MAGI1: variants seen among roughly 807,000 people sequenced by gnomAD.
The protein encoded by MAGI1 is membrane-associated guanylate kinase, WW and PDZ domain-containing protein 1.
A neutral mutation model predicts 139.9 loss-of-function variants in MAGI1; 58 were observed. That is an observed-to-expected ratio of 0.41 (90% CI 0.34 to 0.52). The LOEUF (loss-of-function observed/expected upper bound fraction) is 0.52, where lower values mean the gene tolerates loss of function less well. Ranked by LOEUF, MAGI1 falls within the 20% of genes least tolerant of loss-of-function variation. The pLI, the probability that MAGI1 is intolerant of heterozygous loss-of-function variation, is 0.12. For synonymous variants in MAGI1, 812 were observed against 737.9 expected (o/e 1.10, Z -1.63); for missense variants, 1,874 against 1,901.6 (o/e 0.99, Z 0.27).
At chr3:65,493,085 A>C (rs1342043695) in intron 3 of MAGI1, among the ~76,000 whole-genome samples, 1 of 151,922 alleles carries the variant, frequency 6.6e-6, no homozygotes, top group Non-Finnish European at 1.5e-5. Context: ...CTCAAAAAAA[A>C]AAAAAAAAAA....
intron 1 of MAGI1, among the ~76,000 whole-genome samples, chr3:66,009,377 G>GCCC (rs2067203119): frequency 6.6e-6 from 1 of 152,234 alleles, no homozygotes; most frequent in East Asian, 1.9e-4. Flanking sequence ...GGGCGTGGTG[G>GCCC]CCGGTGCTTG....
chr3:65,707,019 C>T (rs2030426988), intron 1 of MAGI1, among the ~76,000 whole-genome samples: 1 of 152,160 alleles, frequency 6.6e-6, no homozygotes, highest in Non-Finnish European at 1.5e-5. Flanking sequence ...ACCGTCTCGG[C>T]ATGGCAGTCG....
intron 6 of MAGI1, among the ~76,000 whole-genome samples, chr3:65,448,400 AAGCTGTT>A (rs1222009275): frequency 1.3e-5 from 2 of 152,188 alleles, no homozygotes; most frequent in African/African-American, 4.8e-5. Flanking sequence ...GGAGTAAACA[AAGCTGTT>A]AGACCTTTCA....
intron 3 of MAGI1, among the ~76,000 whole-genome samples, chr3:65,488,016 G>T (rs888030788): frequency 1.3e-5 from 2 of 152,200 alleles, no homozygotes; most frequent in South Asian, 4.1e-4. Flanking sequence ...ACAGAATACT[G>T]AACATTCCCA....
At chr3:65,747,995 T>C (rs2035841886) in intron 1 of MAGI1, among the ~76,000 whole-genome samples, 1 of 152,090 alleles carries the variant, frequency 6.6e-6, no homozygotes, top group African/African-American at 2.4e-5. Flanking sequence ...AGAATGTGGC[T>C]CTAAACACAG....
At chr3:65,711,830 G>C (rs150359655) in intron 1 of MAGI1, among the ~76,000 whole-genome samples, 3 of 152,176 alleles carry the variant, frequency 2.0e-5, no homozygotes, top group Admixed American at 6.5e-5. Context: ...CCAGAACTGA[G>C]AGAAAACAAA....
At chr3:65,554,505 G>C (rs909899262) in intron 2 of MAGI1, among the ~76,000 whole-genome samples, 1 of 152,132 alleles carries the variant, frequency 6.6e-6, no homozygotes, top group Non-Finnish European at 1.5e-5. Context: ...AGGGCAGCTG[G>C]ACAAGGGTGA....
chr3:65,936,385 C>T (rs2063050460), intron 1 of MAGI1, among the ~76,000 whole-genome samples: 1 of 152,064 alleles, frequency 6.6e-6, no homozygotes, highest in Admixed American at 6.6e-5. Flanking sequence ...CGTCTATAAT[C>T]CCAGCACTTT....
At chr3:65,637,151 T>C (rs1330446057) in intron 1 of MAGI1, among the ~76,000 whole-genome samples, 1 of 152,084 alleles carries the variant, frequency 6.6e-6, no homozygotes, top group African/African-American at 2.4e-5. Context: ...CACCCAGGGG[T>C]TGGGTAAACA....
At position 66,020,078 on chromosome 3, in the gene MAGI1, GTC is replaced by G. The variant is rs981441970; in HGVS notation, c.313+17916_313+17917del. Among the ~76,000 whole-genome samples the G allele has an allele frequency of 1.7e-4, 26 of 152,248 alleles. 1 individual carries two copies. Among genetic ancestry groups the G allele is most frequent in the South Asian group, 1.7e-3 (8 of 4,820 alleles). The stretch of plus-strand genomic sequence containing the variant: ...CACACAGTACATGACGTTCCTCTGG[GTC>G]TCTCTCTCCCTGGCTGTGAGTAACA... On this transcript the variant is annotated intron_variant, in intron 1 of 22. Transcript: ENST00000402939.
chr3:65,538,974 A>G (rs1316131219), intron 2 of MAGI1, among the ~76,000 whole-genome samples: 6 of 118,236 alleles, frequency 5.1e-5, no homozygotes, highest in Admixed American at 1.8e-4. Flanking sequence ...AAACAGACAC[A>G]TATACCAACT....
At chr3:65,741,011 A>G (rs947684302) in intron 1 of MAGI1, among the ~76,000 whole-genome samples, 3 of 152,140 alleles carry the variant, frequency 2.0e-5, no homozygotes, top group Non-Finnish European at 4.4e-5. Context: ...GCTTTGGGTG[A>G]ATAGTGAGAA....
At position 65,791,593 on chromosome 3, in the gene MAGI1, G is replaced by A. The variant is rs571733991; in HGVS notation, c.314-169505C>T. Among the ~76,000 whole-genome samples, 115 of 152,258 alleles carry A rather than the reference G, an allele frequency of 7.6e-4. No homozygotes were observed. In the South Asian group the frequency reaches 0.021, roughly 28 times the overall value. On this transcript the variant is annotated intron_variant, in intron 1 of 22. Transcript: ENST00000402939. ...AAAGAAAATGAATAAAAGAATGGGA[G>A]AGAAGGCAGGAAGAGGTGGAGGATG...
intron 1 of MAGI1, among the ~76,000 whole-genome samples, chr3:65,729,947 G>A (rs2034019128): frequency 6.6e-6 from 1 of 152,192 alleles, no homozygotes; most frequent in East Asian, 1.9e-4. Flanking sequence ...AAGAGATGCT[G>A]TATTACTTTC....
chr3:65,802,229 C>A (rs1479947668), intron 1 of MAGI1, among the ~76,000 whole-genome samples: 6 of 152,148 alleles, frequency 3.9e-5, no homozygotes, highest in Non-Finnish European at 8.8e-5. Flanking sequence ...ATTTGAGGTA[C>A]AATTCTGCCC....
intron 1 of MAGI1, among the ~76,000 whole-genome samples, chr3:65,993,371 T>G (rs778045510): frequency 6.6e-6 from 1 of 152,104 alleles, no homozygotes; most frequent in Non-Finnish European, 1.5e-5. Context: ...CAAGAACCCA[T>G]GTAGCTAGAG....
intron 1 of MAGI1, among the ~76,000 whole-genome samples, chr3:65,849,498 CAT>C (rs10611224): frequency 0.16 from 22,336 of 140,912 alleles, 2,014 homozygotes; most frequent in Non-Finnish European, 0.21. Context: ...ATCAAATATA[CAT>C]ATATATATAT....
intron 2 of MAGI1, among the ~76,000 whole-genome samples, chr3:65,575,694 T>C (rs1014452924): frequency 4.6e-5 from 7 of 152,086 alleles, no homozygotes; most frequent in Non-Finnish European, 1.0e-4. Context: ...GCAACAAAAA[T>C]AGTGAGCTGT....
At chr3:66,007,909 T>G (rs1231143615) in intron 1 of MAGI1, among the ~76,000 whole-genome samples, 1 of 150,380 alleles carries the variant, frequency 6.6e-6, no homozygotes, top group Non-Finnish European at 1.5e-5. Context: ...TTTTTTTTTT[T>G]TTTTGGACAT....
Sources: allele counts gnomAD v4.1 joint callset (sites outside exome capture counted in the v4.1 genomes callset), GRCh38; gene constraint gnomAD v4.1.1; transcripts MANE v1.5; gene names NCBI Gene and HGNC (gene_info 2026-07-23, HGNC 2026-07-21).